The following IGSF3 variants were observed in gnomAD, a reference collection of about 807,000 sequenced individuals.
IGSF3 encodes glu-Trp-Ile EWI motif-containing protein 3.
A neutral mutation model predicts 114.4 loss-of-function variants in IGSF3; 23 were observed. That is an observed-to-expected ratio of 0.20 (90% CI 0.14 to 0.28). The LOEUF (loss-of-function observed/expected upper bound fraction) is 0.28, where lower values mean the gene tolerates loss of function less well. Among genes scored for constraint, IGSF3 ranks in the 10% least tolerant of loss-of-function variants. The probability of loss-of-function intolerance (pLI) is 1.00; values close to 1 mark genes in which losing one functional copy is unlikely to be tolerated. For missense variants in IGSF3, 1,172 were observed against 1,591.5 expected, an observed-to-expected ratio of 0.74 and a Z score of 4.48; for synonymous variants, 571 against 645.2, an observed-to-expected ratio of 0.88 and a Z score of 1.74.
At chr1:116,660,322 A>G (rs1649057509) in intron 2 of IGSF3, among the ~76,000 whole-genome samples, 1 of 151,932 alleles carries the variant, frequency 6.6e-6, no homozygotes, top group Non-Finnish European at 1.5e-5. Flanking sequence ...ACTGAACTTT[A>G]CTTCGATCTC....
intron 6 of IGSF3, among the ~76,000 whole-genome samples, chr1:116,602,304 G>A (rs1217419726): frequency 1.3e-5 from 2 of 150,974 alleles, no homozygotes; most frequent in African/African-American, 2.4e-5. Context: ...TACTTCTAGA[G>A]AAACAATCCT....
rs1182695196 is a variant in IGSF3 at position 116,595,718 on chromosome 1, T to C, written c.2029+4223A>G. 2.6e-5 allele frequency among the ~76,000 whole-genome samples: 4 copies of C among 152,252 alleles called. No homozygotes were observed. The highest frequency in any genetic ancestry group is 2.1e-4 in the South Asian group (1 of 4,834). ...AATATTTAATAGCCAAACCAAGATA[T>C]TGTCATAAACATTTGGAAAATGAGT... On this transcript the variant is annotated intron_variant, in intron 7 of 10. Transcript: ENST00000369486. The surrounding 1 kb of genome is among the most constrained non-coding windows in gnomAD (Gnocchi z 4.2).
intron 5 of IGSF3, among the ~76,000 whole-genome samples, chr1:116,606,849 A>G (rs58483594): frequency 6.6e-6 from 1 of 152,236 alleles, no homozygotes; most frequent in South Asian, 2.1e-4. Flanking sequence ...GGGCGGAAAA[A>G]GCTAAGAAAC....
chr1:116,606,026 C>T (rs937045050), intron 5 of IGSF3, among the ~76,000 whole-genome samples: 5 of 152,262 alleles, frequency 3.3e-5, no homozygotes, highest in African/African-American at 9.6e-5. Flanking sequence ...AAGGCAACTA[C>T]AGACCTGGTG....
rs1660960573 is a variant in IGSF3, at chr1:116,610,173, A to C, written c.833-1842T>G. On this transcript the variant is annotated intron_variant, in intron 4 of 10. Transcript: ENST00000369486. This position sits in a 1 kb window ranked among gnomAD's most constrained non-coding sequence, Gnocchi z 4.3. ...ACAGTCCCCGTGTTATCTGCTGGAT[A>C]TTATCTCTCAGGTCAACCCAGTTAG... is the stretch of plus-strand genomic sequence containing the variant. 6.6e-6 allele frequency among the ~76,000 whole-genome samples: 1 copy of C among 152,210 alleles called. No individual in the cohort carries two copies. The highest frequency in any genetic ancestry group is 1.5e-5 in the Non-Finnish European group (1 of 68,042).
intron 8 of IGSF3, among the ~76,000 whole-genome samples, chr1:116,586,963 G>A (rs571005025): frequency 1.3e-5 from 2 of 152,120 alleles, no homozygotes; most frequent in South Asian, 4.2e-4. Flanking sequence ...TAATGCACCA[G>A]CAGAGGTTAG....
Position 116,607,403 on chromosome 1 carries a change from C to T in IGSF3, c.1222+539G>A, listed in dbSNP as rs199577508. Among the ~76,000 whole-genome samples the T allele has an allele frequency of 1.3e-5, 2 of 152,148 alleles. No homozygotes were observed. The highest frequency in any genetic ancestry group is 1.3e-4 in the Admixed American group (2 of 15,282). On this transcript the variant is annotated intron_variant, in intron 5 of 10. Coordinates refer to ENST00000369486, the MANE Select transcript of IGSF3 (RefSeq NM_001007237.3). This position sits in a 1 kb window ranked among gnomAD's most constrained non-coding sequence, Gnocchi z 6.1. ...GGAAGATGTGAGAGGTCCCATCCAC[C>T]GACTTTTAGAAACACAATTTCAACA...
chr1:116,648,189 G>A lies in IGSF3; in HGVS notation c.43+18095C>T, dbSNP rs1434528870. On this transcript the variant is annotated intron_variant, in intron 2 of 10. Coordinates refer to ENST00000369486, the MANE Select transcript of IGSF3 (RefSeq NM_001007237.3). This position sits in a 1 kb window ranked among gnomAD's most constrained non-coding sequence, Gnocchi z 4.7. Reference sequence around the variant, plus strand: ...GATGACACCCCAGTTTTGTAGAAGAGGAAGGAAAAATAAGAATGTCAACTC... The same window carrying A: ...GATGACACCCCAGTTTTGTAGAAGAAGAAGGAAAAATAAGAATGTCAACTC... Among the ~76,000 whole-genome samples, 1 of 152,140 alleles carries A rather than the reference G, an allele frequency of 6.6e-6. No individual in the cohort carries two copies. Among genetic ancestry groups the A allele is most frequent in the Non-Finnish European group, 1.5e-5 (1 of 68,028 alleles).
In IGSF3 at chr1:116,628,566, C is replaced by A. The variant is rs1647409662; in HGVS notation, c.44-12109G>T. ...CAGGGACTGTGAAGGGCCCCCAAAC[C>A]ATTCCCCACCAAGAGTGTGGGTGGC... On this transcript the variant is annotated intron_variant, in intron 2 of 10. Coordinates refer to ENST00000369486, the MANE Select transcript of IGSF3 (RefSeq NM_001007237.3). This position sits in a 1 kb window ranked among gnomAD's most constrained non-coding sequence, Gnocchi z 4.2. Among the ~76,000 whole-genome samples the A allele has an allele frequency of 2.0e-5, 3 of 152,146 alleles. No homozygotes were observed. The highest frequency in any genetic ancestry group is 4.4e-5 in the Non-Finnish European group (3 of 68,024).
At position 116,579,001 on chromosome 1, in the gene IGSF3, C is replaced by A. The variant is rs577108410; in HGVS notation, c.3334+391G>T. Among the ~76,000 whole-genome samples, 1 of 152,262 alleles carries A rather than the reference C, an allele frequency of 6.6e-6. No homozygotes were observed. Among genetic ancestry groups the A allele is most frequent in the Admixed American group, 6.5e-5 (1 of 15,288 alleles). Reference sequence around the variant, plus strand: ...GAAATAATGACAGTGAGGTAGTCAGCCTTCATTTTTTTCCCTTTCCCTTGT... The same window carrying A: ...GAAATAATGACAGTGAGGTAGTCAGACTTCATTTTTTTCCCTTTCCCTTGT... On this transcript the variant is annotated intron_variant, in intron 10 of 10. Coordinates refer to ENST00000369486, the MANE Select transcript of IGSF3 (RefSeq NM_001007237.3). The surrounding 1 kb of genome is among the most constrained non-coding windows in gnomAD (Gnocchi z 6.4).
At chr1:116,602,462 G>A (rs1571144445) in intron 6 of IGSF3, among the ~76,000 whole-genome samples, 1 of 152,108 alleles carries the variant, frequency 6.6e-6, no homozygotes, top group East Asian at 1.9e-4. Flanking sequence ...TACAGGAACT[G>A]AGCTGATCAG....
rs1647413414 is a variant in IGSF3, at chr1:116,628,584, TG to T, written c.44-12128del. Among the ~76,000 whole-genome samples the T allele has an allele frequency of 6.6e-6, 1 of 152,080 alleles. No homozygotes were observed. The highest frequency in any genetic ancestry group is 2.1e-4 in the South Asian group (1 of 4,820). ...CCCAAACCATTCCCCACCAAGAGTG[TG>T]GGTGGCAGGCACCCTGAAATATGTC... On this transcript the variant is annotated intron_variant, in intron 2 of 10. Transcript: ENST00000369486. This position sits in a 1 kb window ranked among gnomAD's most constrained non-coding sequence, Gnocchi z 4.2.
Position 116,657,118 on chromosome 1 carries a change from G to A in IGSF3, c.43+9166C>T, listed in dbSNP as rs1832382. On this transcript the variant is annotated intron_variant, in intron 2 of 10. Transcript: ENST00000369486. This position sits in a 1 kb window ranked among gnomAD's most constrained non-coding sequence, Gnocchi z 4.2. ...AAAATCAAGATTTCCTTTTGGGGGCGTTATACAAAAAAGACTGTAAAATTT... is the reference window on the plus strand; with the variant it reads ...AAAATCAAGATTTCCTTTTGGGGGCATTATACAAAAAAGACTGTAAAATTT... Among the ~76,000 whole-genome samples, 37 of 152,114 alleles carry A rather than the reference G, an allele frequency of 2.4e-4. No individual in the cohort carries two copies. The highest frequency in any genetic ancestry group is 2.0e-3 in the Admixed American group (30 of 15,278).
At position 116,649,132 on chromosome 1, in the gene IGSF3, C is replaced by T. The variant is rs1274269375; in HGVS notation, c.43+17152G>A. Among the ~76,000 whole-genome samples, 1 of 152,244 alleles carries T rather than the reference C, an allele frequency of 6.6e-6. No homozygotes were observed. The highest frequency in any genetic ancestry group is 1.9e-4 in the East Asian group (1 of 5,200). ...CTTCTACCAGGATTTCCCAGCTGAG[C>T]AAGAACCGTCAAAGTCTGGTCCTGG... is the stretch of plus-strand genomic sequence containing the variant. On this transcript the variant is annotated intron_variant, in intron 2 of 10. Coordinates refer to ENST00000369486, the MANE Select transcript of IGSF3 (RefSeq NM_001007237.3). This position sits in a 1 kb window ranked among gnomAD's most constrained non-coding sequence, Gnocchi z 4.5.
Position 116,610,653 on chromosome 1 carries a change from CTCT to C in IGSF3, c.833-2325_833-2323del, listed in dbSNP as rs113053139. Among the ~76,000 whole-genome samples the C allele has an allele frequency of 1.3e-5, 2 of 152,160 alleles. No individual in the cohort carries two copies. Among genetic ancestry groups the C allele is most frequent in the East Asian group, 1.9e-4 (1 of 5,184 alleles). The stretch of plus-strand genomic sequence containing the variant: ...CTGCTCCATGATCCCTTCTCTCCTG[CTCT>C]TCTTCTTGCTGGCCTGCCCACTCTG... On this transcript the variant is annotated intron_variant, in intron 4 of 10. Coordinates refer to ENST00000369486, the MANE Select transcript of IGSF3 (RefSeq NM_001007237.3). This position sits in a 1 kb window ranked among gnomAD's most constrained non-coding sequence, Gnocchi z 4.3.
At position 116,598,835 on chromosome 1, in the gene IGSF3, C is replaced by T. The variant is rs199879681; in HGVS notation, c.2029+1106G>A. ...ACCTGGCAGGAGACAAGGACAGATGCAGGAAAACCATAAGAGCTGCATGTA... is the reference window on the plus strand; with the variant it reads ...ACCTGGCAGGAGACAAGGACAGATGTAGGAAAACCATAAGAGCTGCATGTA... On this transcript the variant is annotated intron_variant, in intron 7 of 10. Transcript: ENST00000369486. This position sits in a 1 kb window ranked among gnomAD's most constrained non-coding sequence, Gnocchi z 4.3. Among the ~76,000 whole-genome samples, 1 of 152,208 alleles carries T rather than the reference C, an allele frequency of 6.6e-6. No homozygotes were observed. The highest frequency in any genetic ancestry group is 6.5e-5 in the Admixed American group (1 of 15,286).
At chr1:116,656,293 CTTTTTTTTTTTTTTTTT>C (rs56148691) in intron 2 of IGSF3, among the ~76,000 whole-genome samples, 3 of 62,438 alleles carry the variant, frequency 4.8e-5, no homozygotes, top group African/African-American at 2.0e-4. Flanking sequence ...TTTCTACATT[CTTTTTTTTTTTTTTTTT>C]TTTTTTTTTT....
rs1661149266 is a variant in IGSF3, at chr1:116,614,703, A to G, written c.422-528T>C. Among the ~76,000 whole-genome samples, 1 of 152,222 alleles carries G rather than the reference A, an allele frequency of 6.6e-6. No individual in the cohort carries two copies. Among genetic ancestry groups the G allele is most frequent in the African/African-American group, 2.4e-5 (1 of 41,448 alleles). On this transcript the variant is annotated intron_variant, in intron 3 of 10. Transcript: ENST00000369486. This position sits in a 1 kb window ranked among gnomAD's most constrained non-coding sequence, Gnocchi z 4.5. ...ATTTTTTTAAAAAACCATTTTTGGT[A>G]GAAAAAATAATCATCATACCCTATT...
chr1:116,614,034 A>C lies in IGSF3; in HGVS notation c.563T>G (p.Val188Gly). 1 of 1,614,142 alleles carries C rather than the reference A, an allele frequency of 6.2e-7. No homozygotes were observed. Residue 188 changes from valine (V) to glycine (G), a missense_variant, in exon 4 of 11, where the codon GTT (valine) becomes GGT (glycine). Physicochemically the swap from Val to Gly is moderately radical, Grantham distance 109 (BLOSUM62 -3). This residue lies in a region of IGSF3 where 736 missense variants were observed against 1,042.0 expected (regional missense o/e 0.71). Transcript: ENST00000369486. The surrounding 1 kb of genome is among the most constrained non-coding windows in gnomAD (Gnocchi z 4.5). Reference sequence around the variant, plus strand: ...GATGACCTCCACGGGCTTCTCGCCAACTTTCTGCCGGAGCCAGGCCACAGA... The same window carrying C: ...GATGACCTCCACGGGCTTCTCGCCACCTTTCTGCCGGAGCCAGGCCACAGA... ...HLSVAWLRQK[V>G]GEKPVEVISL...
Sources: gnomAD v4.1 joint callset for allele counts (sites outside exome capture counted in the v4.1 genomes callset) on GRCh38, gnomAD v4.1.1 for gene constraint, gnomAD v4.1.1 regional missense constraint, Gnocchi (gnomAD v3.1) non-coding constraint, MANE v1.5 for transcripts, NCBI Gene and HGNC (gene_info 2026-07-23, HGNC 2026-07-21) for gene names.